The following DLG1 variants were observed in gnomAD, a reference collection of about 807,000 sequenced individuals.
DLG1 encodes the protein disks large homolog 1.
A neutral mutation model predicts 123.4 loss-of-function variants in DLG1; 42 were observed. The observed-to-expected ratio is 0.34, with a 90% CI of 0.27 to 0.44. DLG1 has a LOEUF of 0.44. Among genes scored for constraint, DLG1 ranks in the 20% least tolerant of loss-of-function variants. The pLI is 1.00. For missense variants in DLG1, 942 were observed against 1,082.6 expected, an observed-to-expected ratio of 0.87 and a Z score of 1.82; for synonymous variants, 317 against 356.2, an observed-to-expected ratio of 0.89 and a Z score of 1.24.
intron 4 of DLG1, among the ~76,000 whole-genome samples, chr3:197,214,958 T>C (rs1282555605): frequency 6.6e-6 from 1 of 152,144 alleles, no homozygotes; most frequent in Non-Finnish European, 1.5e-5. Context: ...ATACCTAGTT[T>C]TGATGAAGGT....
At chr3:197,280,527 G>A (rs1768803905) in intron 4 of DLG1, among the ~76,000 whole-genome samples, 1 of 152,016 alleles carries the variant, frequency 6.6e-6, no homozygotes, top group African/African-American at 2.4e-5. Flanking sequence ...ATTGCTGGTG[G>A]GCAGTTCTAT....
rs1482164843 is a variant in DLG1 at position 197,112,151 on chromosome 3, A to AT, written c.1443+3775dup. Among the ~76,000 whole-genome samples the AT allele has an allele frequency of 3.0e-4, 46 of 152,176 alleles. No individual in the cohort carries two copies. In the East Asian group the frequency reaches 7.7e-3, roughly 26 times the overall value. On this transcript the variant is annotated intron_variant, in intron 13 of 24. Transcript: ENST00000667157. ...CACATCCTCATCAATGAATGTTGTT[A>AT]TTTTTTTCTTTTGTTGTTCAACTAA...
intron 5 of DLG1, among the ~76,000 whole-genome samples, chr3:197,162,766 C>G (rs544669843): frequency 1.3e-5 from 2 of 152,176 alleles, no homozygotes; most frequent in African/African-American, 4.8e-5. Context: ...AAAACTCTTA[C>G]AAGAGAACAT....
intron 5 of DLG1, among the ~76,000 whole-genome samples, chr3:197,164,820 G>A (rs1175789478): frequency 6.6e-6 from 1 of 151,858 alleles, no homozygotes; most frequent in African/African-American, 2.4e-5. Flanking sequence ...TACTCGGGAG[G>A]GTGAGTCAGG....
At chr3:197,233,221 G>A (rs1434049381) in intron 4 of DLG1, among the ~76,000 whole-genome samples, 2 of 152,040 alleles carry the variant, frequency 1.3e-5, no homozygotes, top group Admixed American at 6.5e-5. Context: ...AGTAATAAAT[G>A]TAATAAAAGT....
intron 5 of DLG1, among the ~76,000 whole-genome samples, chr3:197,152,679 T>C (rs909049913): frequency 2.0e-4 from 28 of 142,178 alleles, no homozygotes; most frequent in Non-Finnish European, 3.3e-4. Context: ...AGGAGAATGG[T>C]GTGAACCCAG....
At chr3:197,147,541 G>C (rs930007349) in intron 6 of DLG1, among the ~76,000 whole-genome samples, 1 of 151,990 alleles carries the variant, frequency 6.6e-6, no homozygotes, top group African/African-American at 2.4e-5. Flanking sequence ...TGGAACTGGA[G>C]ATTATTATTC....
chr3:197,093,054 T>A (rs1335338788), intron 14 of DLG1, among the ~76,000 whole-genome samples: 1 of 152,178 alleles, frequency 6.6e-6, no homozygotes, highest in Non-Finnish European at 1.5e-5. Context: ...TTAAACAATA[T>A]AAAGATACCC....
chr3:197,074,634 A>C (rs1578590890), intron 18 of DLG1, among the ~76,000 whole-genome samples: 1 of 152,048 alleles, frequency 6.6e-6, no homozygotes, highest in African/African-American at 2.4e-5. Context: ...TTCATTGATA[A>C]TTTTCCCCAA....
intron 13 of DLG1, among the ~76,000 whole-genome samples, chr3:197,110,267 A>G (rs1444214516): frequency 6.6e-6 from 1 of 152,108 alleles, no homozygotes; most frequent in Non-Finnish European, 1.5e-5. Context: ...GCCAGCTCAA[A>G]TCTGCTGTTG....
chr3:197,290,011 A>G (rs1292197284), intron 3 of DLG1, among the ~76,000 whole-genome samples: 3 of 152,210 alleles, frequency 2.0e-5, no homozygotes, highest in African/African-American at 7.2e-5. Context: ...GAGGTACAAG[A>G]TAAACCTGGA....
intron 4 of DLG1, among the ~76,000 whole-genome samples, chr3:197,277,039 G>C (rs1166843696): frequency 6.6e-6 from 1 of 151,742 alleles, no homozygotes; most frequent in Admixed American, 6.6e-5. Flanking sequence ...CCACAGGAGG[G>C]AGCCACTACA....
chr3:197,106,399 C>T (rs972706568), intron 13 of DLG1, among the ~76,000 whole-genome samples: 9 of 151,964 alleles, frequency 5.9e-5, no homozygotes, highest in South Asian at 4.2e-4. Flanking sequence ...GAGAGAGGGA[C>T]GCTCTGTCTC....
At chr3:197,204,273 A>G (rs902058990) in intron 4 of DLG1, among the ~76,000 whole-genome samples, 1 of 152,270 alleles carries the variant, frequency 6.6e-6, no homozygotes, top group Non-Finnish European at 1.5e-5. Flanking sequence ...ACAACGGTTT[A>G]ATATGAAGCT....
intron 4 of DLG1, among the ~76,000 whole-genome samples, chr3:197,206,162 T>C (rs1419957966): frequency 6.6e-6 from 1 of 152,166 alleles, no homozygotes; most frequent in African/African-American, 2.4e-5. Flanking sequence ...ATTCTGACTA[T>C]TACAGTATGC....
At chr3:197,079,466 G>A (rs1379392279) in intron 17 of DLG1, among the ~76,000 whole-genome samples, 2 of 152,148 alleles carry the variant, frequency 1.3e-5, no homozygotes, top group Admixed American at 6.5e-5. Flanking sequence ...CATAGTTTTG[G>A]TGCTGTGTTA....
At chr3:197,080,614 A>C (rs893662349) in intron 17 of DLG1, 1 of 154,886 alleles carries the variant, frequency 6.5e-6, no homozygotes, top group Non-Finnish European at 1.4e-5. Context: ...AATGCCCGCC[A>C]CCATGCCTGG....
At chr3:197,073,224 T>A (rs1745162887) in intron 18 of DLG1, among the ~76,000 whole-genome samples, 1 of 152,218 alleles carries the variant, frequency 6.6e-6, no homozygotes, top group Non-Finnish European at 1.5e-5. Context: ...TATGCGTACG[T>A]CTTTAAAGTG....
At chr3:197,046,684 A>AAT (rs1368040708) in intron 24 of DLG1, among the ~76,000 whole-genome samples, 9 of 152,162 alleles carry the variant, frequency 5.9e-5, no homozygotes, top group Non-Finnish European at 1.3e-4. Context: ...AGCCTGGGCA[A>AAT]CATGGCGAAA....
Sources: allele counts gnomAD v4.1 joint callset (sites outside exome capture counted in the v4.1 genomes callset), GRCh38; gene constraint gnomAD v4.1.1; transcripts MANE v1.5; gene names NCBI Gene and HGNC (gene_info 2026-07-23, HGNC 2026-07-21).